Variants in TCEANC2 observed in about 807,000 individuals in gnomAD.
TCEANC2 encodes the protein transcription elongation factor A N-terminal and central domain containing 2, also known as transcription elongation factor A N-terminal and central domain-containing protein 2.
A neutral mutation model predicts 22.8 loss-of-function variants in TCEANC2; 20 were observed. The ratio of observed to expected loss-of-function variants is 0.88; its 90% CI spans 0.62 to 1.28. The LOEUF (loss-of-function observed/expected upper bound fraction) is 1.28. TCEANC2 is among the 50% of genes most tolerant of loss of function. The pLI is 0.00. For synonymous variants in TCEANC2, 84 were observed against 95.5 expected, an observed-to-expected ratio of 0.88 and a Z score of 0.70; for missense variants, 251 against 249.7, an observed-to-expected ratio of 1.01 and a Z score of -0.03.
Position 54,099,870 on chromosome 1 carries a change from A to C in TCEANC2, c.*3397A>C, listed in dbSNP as rs1658628457. On this transcript the variant is annotated 3_prime_UTR_variant, in exon 5 of 5. Transcript: ENST00000234827. ...TGTCTTATAAGCAAGTTCAGTTGCT[A>C]GGGGAAATGTGGGAAAGTAAATACC... The C allele has an allele frequency of 6.6e-6, 1 of 152,182 alleles. No homozygotes were observed. The highest frequency in any genetic ancestry group is 1.5e-5 in the Non-Finnish European group (1 of 68,060). The allele number at this position is 152,182 out of a possible 1,614,324, so 9.4% of individuals were successfully genotyped here. A position where few individuals can be genotyped will look rare whatever the true frequency, so the allele number is the denominator to read the frequency against.
chr1:54,054,339 G>A (rs773544901), intron 1 of TCEANC2, 42 bp from the exon 2 acceptor site: 3 of 1,563,806 alleles, frequency 1.9e-6, no homozygotes, highest in Admixed American at 4.0e-5. Flanking sequence ...TATCATGGCA[G>A]TCTTTAGTGG....
In TCEANC2 at chr1:54,102,438, C is replaced by G. The variant is rs1250269888; in HGVS notation, c.*5965C>G. ...TGATGCTACAGGGTTCTGGTAGAGACAGATCATCAGACCATGGATCATCAA... is the reference window on the plus strand; with the variant it reads ...TGATGCTACAGGGTTCTGGTAGAGAGAGATCATCAGACCATGGATCATCAA... On this transcript the variant is annotated 3_prime_UTR_variant, in exon 5 of 5. Coordinates refer to ENST00000234827, the MANE Select transcript of TCEANC2 (RefSeq NM_153035.3). 6.6e-6 allele frequency: 1 copy of G among 152,238 alleles called. No individual in the cohort carries two copies. Among genetic ancestry groups the G allele is most frequent in the African/African-American group, 2.4e-5 (1 of 41,464 alleles). 9.4% of individuals were successfully genotyped at this position (152,238 alleles called of 1,614,324 possible). A position where few individuals can be genotyped will look rare whatever the true frequency, so the allele number is the denominator to read the frequency against.
chr1:54,103,696 A>G lies in TCEANC2; in HGVS notation c.*7223A>G, dbSNP rs1421099541. The stretch of plus-strand genomic sequence containing the variant: ...ACAGAGACCAACTCTGAACCTAGAT[A>G]TAGCTCCATCCCTTGAGAACAACCA... On this transcript the variant is annotated 3_prime_UTR_variant, in exon 5 of 5. Coordinates refer to ENST00000234827, the MANE Select transcript of TCEANC2 (RefSeq NM_153035.3). 6.6e-6 allele frequency: 1 copy of G among 152,232 alleles called. No individual in the cohort carries two copies. Among genetic ancestry groups the G allele is most frequent in the Admixed American group, 6.5e-5 (1 of 15,286 alleles). 9.4% of individuals were successfully genotyped at this position (152,232 alleles called of 1,614,324 possible).
chr1:54,062,595 A>G (rs1001520363), intron 2 of TCEANC2, among the ~76,000 whole-genome samples: 3 of 152,248 alleles, frequency 2.0e-5, no homozygotes, highest in Non-Finnish European at 2.9e-5. Context: ...ATTTGCAGAA[A>G]GCATAGATGC....
chr1:54,058,331 G>T (rs929288651), intron 2 of TCEANC2, among the ~76,000 whole-genome samples: 3 of 152,078 alleles, frequency 2.0e-5, no homozygotes, highest in African/African-American at 7.2e-5. Context: ...CCTTCTCTGA[G>T]CCATCCCTGT....
Position 54,080,216 on chromosome 1 carries a change from G to A in TCEANC2, c.245-8381G>A, listed in dbSNP as rs563605021. ...TGGAGTCCGGTGGTGCGATCTTGGCGCACTGAAACCTCCGACTCCTGGGTT... is the reference window on the plus strand; with the variant it reads ...TGGAGTCCGGTGGTGCGATCTTGGCACACTGAAACCTCCGACTCCTGGGTT... On this transcript the variant is annotated intron_variant, in intron 3 of 4. Transcript: ENST00000234827. Among the ~76,000 whole-genome samples the A allele has an allele frequency of 4.0e-4, 61 of 150,668 alleles. 2 individuals are homozygous for A. In the South Asian group the frequency reaches 0.012, roughly 30 times the overall value.
intron 3 of TCEANC2, among the ~76,000 whole-genome samples, chr1:54,075,717 T>A (rs1658132010): frequency 1.3e-5 from 2 of 152,128 alleles, no homozygotes; most frequent in African/African-American, 4.8e-5. Context: ...AATCCTACAA[T>A]AAAGAAGCCT....
At chr1:54,068,604 A>G in intron 2 of TCEANC2, 152 bp from the exon 3 acceptor site, 1 of 656,752 alleles carries the variant, frequency 1.5e-6, no homozygotes, top group Non-Finnish European at 2.4e-6. Flanking sequence ...TTAAGCAATT[A>G]CCCATCATTT....
chr1:54,096,634 G>A lies in TCEANC2; in HGVS notation c.*161G>A. Reference sequence around the variant, plus strand: ...ACAGAGGATTCGGAGAGCCCTAGGAGACAGGCCTGCAGGAATGTGCTTCAT... The same window carrying A: ...ACAGAGGATTCGGAGAGCCCTAGGAAACAGGCCTGCAGGAATGTGCTTCAT... On this transcript the variant is annotated 3_prime_UTR_variant, in exon 5 of 5. Transcript: ENST00000234827. This position sits in a 1 kb window ranked among gnomAD's most constrained non-coding sequence, Gnocchi z 4.9. 1 of 1,365,832 alleles carries A rather than the reference G, an allele frequency of 7.3e-7. No homozygotes were observed. The highest frequency in any genetic ancestry group is 1.5e-5 in the African/African-American group (1 of 68,938). 84.6% of individuals were successfully genotyped at this position (1,365,832 alleles called of 1,614,324 possible). A position where few individuals can be genotyped will look rare whatever the true frequency, so the allele number is the denominator to read the frequency against.
intron 3 of TCEANC2, among the ~76,000 whole-genome samples, chr1:54,074,829 CA>C (rs1430956685): frequency 2.6e-5 from 4 of 152,022 alleles, no homozygotes; most frequent in Non-Finnish European, 5.9e-5. Flanking sequence ...GAAAATGAAA[CA>C]AAATAGACAA....
intron 3 of TCEANC2, among the ~76,000 whole-genome samples, chr1:54,079,306 T>TG (rs1399548934): frequency 2.0e-5 from 3 of 152,204 alleles, no homozygotes; most frequent in African/African-American, 7.2e-5. Context: ...TTTTTCCATT[T>TG]TACAAATGGA....
At position 54,098,242 on chromosome 1, in the gene TCEANC2, G is replaced by A. The variant is rs1658595583; in HGVS notation, c.*1769G>A. 6.6e-6 allele frequency: 1 copy of A among 152,478 alleles called. No individual in the cohort carries two copies. The highest frequency in any genetic ancestry group is 1.5e-5 in the Non-Finnish European group (1 of 68,098). The allele number at this position is 152,478 out of a possible 1,614,324, so 9.4% of individuals were successfully genotyped here. A position where few individuals can be genotyped will look rare whatever the true frequency, so the allele number is the denominator to read the frequency against. On this transcript the variant is annotated 3_prime_UTR_variant, in exon 5 of 5. Transcript: ENST00000234827. Reference sequence around the variant, plus strand: ...CAGACACTCCAGCTAGGAACTCAAGGAGTCAGCCTAGACCCCACATCTCCC... The same window carrying A: ...CAGACACTCCAGCTAGGAACTCAAGAAGTCAGCCTAGACCCCACATCTCCC...
intron 3 of TCEANC2, among the ~76,000 whole-genome samples, chr1:54,080,228 C>T (rs904883327): frequency 1.3e-5 from 2 of 151,690 alleles, no homozygotes; most frequent in South Asian, 2.1e-4. Flanking sequence ...ACTGAAACCT[C>T]CGACTCCTGG....
intron 3 of TCEANC2, 65 bp downstream of exon 3, chr1:54,068,962 CCTCT>C (rs1658008172): frequency 7.2e-7 from 1 of 1,394,474 alleles, no homozygotes; most frequent in African/African-American, 1.5e-5. Context: ...TTCTTTCCTT[CCTCT>C]CTCCTTCAAA....
chr1:54,056,126 T>G (rs1001407587), intron 2 of TCEANC2, among the ~76,000 whole-genome samples: 1 of 152,160 alleles, frequency 6.6e-6, no homozygotes, highest in African/African-American at 2.4e-5. Context: ...TGTGACTGCA[T>G]AGAACACATT....
intron 2 of TCEANC2, among the ~76,000 whole-genome samples, chr1:54,060,350 A>G (rs1010329757): frequency 1.3e-5 from 2 of 151,768 alleles, no homozygotes; most frequent in African/African-American, 4.8e-5. Flanking sequence ...GGTTGCAGTG[A>G]GCTGAGATTG....
chr1:54,056,981 G>A (rs1231123460), intron 2 of TCEANC2, among the ~76,000 whole-genome samples: 1 of 151,614 alleles, frequency 6.6e-6, no homozygotes, highest in Non-Finnish European at 1.5e-5. Flanking sequence ...GCTGGAGGTT[G>A]CAGTGAGCCA....
downstream of TCEANC2, among the ~76,000 whole-genome samples, chr1:54,110,616 A>G (rs1249878063): frequency 1.3e-5 from 2 of 152,186 alleles, no homozygotes; most frequent in East Asian, 3.9e-4. Context: ...ACAAAACAAA[A>G]CAAAACAAAA....
rs1407398661 is a variant in TCEANC2, at chr1:54,105,902, A to T, written c.*9429A>T. The T allele has an allele frequency of 6.6e-6, 1 of 152,180 alleles. No individual in the cohort carries two copies. Among genetic ancestry groups the T allele is most frequent in the Non-Finnish European group, 1.5e-5 (1 of 68,036 alleles). 9.4% of individuals were successfully genotyped at this position (152,180 alleles called of 1,614,324 possible). ...CCAAAGTGCTGGGATTATAGACATGAATCACCACACCCGGCCAGCAAACTT... is the reference window on the plus strand; with the variant it reads ...CCAAAGTGCTGGGATTATAGACATGTATCACCACACCCGGCCAGCAAACTT... On this transcript the variant is annotated 3_prime_UTR_variant, in exon 5 of 5. Coordinates refer to ENST00000234827, the MANE Select transcript of TCEANC2 (RefSeq NM_153035.3).
Sources: allele counts gnomAD v4.1 joint callset (sites outside exome capture counted in the v4.1 genomes callset), GRCh38; gene constraint gnomAD v4.1.1; non-coding constraint Gnocchi (gnomAD v3.1); transcripts MANE v1.5; gene names NCBI Gene and HGNC (gene_info 2026-07-23, HGNC 2026-07-21).